Variants in TCF7L2 observed in about 807,000 individuals in gnomAD.
The protein encoded by TCF7L2 is transcription factor 7-like 2.
A neutral mutation model predicts 77.9 loss-of-function variants in TCF7L2; 23 were observed. The observed-to-expected ratio is 0.30, with a 90% CI of 0.21 to 0.42. The LOEUF (loss-of-function observed/expected upper bound fraction) is 0.42, where lower values mean the gene tolerates loss of function less well. Ranked by LOEUF, TCF7L2 falls within the 10% of genes least tolerant of loss-of-function variation. The pLI is 1.00. For synonymous variants in TCF7L2, 413 were observed against 340.2 expected, an observed-to-expected ratio of 1.21 and a Z score of -2.36; for missense variants, 654 against 793.1, an observed-to-expected ratio of 0.82 and a Z score of 2.11.
At chr10:113,140,437 C>T (rs1408627633) in intron 5 of TCF7L2, among the ~76,000 whole-genome samples, 1 of 152,148 alleles carries the variant, frequency 6.6e-6, no homozygotes, top group Non-Finnish European at 1.5e-5. Context: ...TTCTAAAATG[C>T]ATACCTTTTA....
intron 3 of TCF7L2, among the ~76,000 whole-genome samples, chr10:112,961,945 C>G (rs1554870083): frequency 6.6e-6 from 1 of 151,772 alleles, no homozygotes; most frequent in Non-Finnish European, 1.5e-5. Context: ...TTAACTTTGT[C>G]CTATATGTTG....
At chr10:113,015,819 G>A (rs1410783837) in intron 4 of TCF7L2, among the ~76,000 whole-genome samples, 3 of 152,118 alleles carry the variant, frequency 2.0e-5, no homozygotes, top group African/African-American at 7.2e-5. Flanking sequence ...AAGAAACATG[G>A]AAGAAAGTGA....
chr10:113,089,284 G>A, intron 5 of TCF7L2: 1 of 1,170,380 alleles, frequency 8.5e-7, no homozygotes. Context: ...CTATCATGGA[G>A]CTTCTATAGA....
chr10:112,978,623 C>T (rs950432165), intron 4 of TCF7L2, among the ~76,000 whole-genome samples: 4 of 148,986 alleles, frequency 2.7e-5, no homozygotes, highest in African/African-American at 9.9e-5. Context: ...CCTGCCACCA[C>T]GCCTGGCTAA....
At chr10:113,116,365 T>A (rs1048732863) in intron 5 of TCF7L2, among the ~76,000 whole-genome samples, 9 of 152,224 alleles carry the variant, frequency 5.9e-5, no homozygotes, top group Non-Finnish European at 1.0e-4. Context: ...TTAGTTATAT[T>A]TTATCACTTA....
chr10:112,993,758 T>A (rs941000783), intron 4 of TCF7L2, among the ~76,000 whole-genome samples: 2 of 151,926 alleles, frequency 1.3e-5, no homozygotes, highest in Admixed American at 6.6e-5. Flanking sequence ...CTATTCTTTC[T>A]TTTTTTTGAA....
chr10:113,125,652 A>C (rs1372935606), intron 5 of TCF7L2: 3 of 152,206 alleles, frequency 2.0e-5, no homozygotes, highest in African/African-American at 7.2e-5. Context: ...TGACAATGCT[A>C]ATTTTGATGC....
Position 112,951,621 on chromosome 10 carries a change from C to G in TCF7L2, c.381+14C>G. 3 of 1,203,132 alleles carry G rather than the reference C, an allele frequency of 2.5e-6. No individual in the cohort carries two copies. The highest frequency in any genetic ancestry group is 3.2e-6 in the Non-Finnish European group (3 of 945,414). The allele number at this position is 1,203,132 out of a possible 1,614,324, so 74.5% of individuals were successfully genotyped here. A position where few individuals can be genotyped will look rare whatever the true frequency, so the allele number is the denominator to read the frequency against. The stretch of plus-strand genomic sequence containing the variant: ...ACCGCCCGAACCGTAAGTGCCTCCG[C>G]GCCCGGCCCCCGCCCGCTGCCCGCC... On this transcript the variant is annotated intron_variant, in intron 3 of 13. Coordinates refer to ENST00000627217, the MANE Select transcript of TCF7L2 (RefSeq NM_001146274.2).
chr10:113,070,645 C>T (rs1455738481), intron 5 of TCF7L2, among the ~76,000 whole-genome samples: 1 of 152,176 alleles, frequency 6.6e-6, no homozygotes, highest in Non-Finnish European at 1.5e-5. Context: ...AAGTCTCAAG[C>T]ACATTAATAG....
chr10:112,978,429 A>G (rs944539711), intron 4 of TCF7L2, among the ~76,000 whole-genome samples: 1 of 151,160 alleles, frequency 6.6e-6, no homozygotes, highest in African/African-American at 2.4e-5. Flanking sequence ...CTAATTTCTC[A>G]TAGTAGTCTT....
intron 4 of TCF7L2, among the ~76,000 whole-genome samples, chr10:112,996,752 A>G (rs558288846): frequency 3.3e-5 from 5 of 152,216 alleles, no homozygotes; most frequent in East Asian, 1.9e-4. Flanking sequence ...GTTTCCTTCA[A>G]CCTCCACTGA....
At chr10:113,062,380 A>G (rs2056601302) in intron 5 of TCF7L2, among the ~76,000 whole-genome samples, 1 of 152,138 alleles carries the variant, frequency 6.6e-6, no homozygotes, top group Admixed American at 6.5e-5. Context: ...AAATACATCC[A>G]TGTTCGCTAC....
At chr10:113,089,885 C>A (rs2060195176) in intron 5 of TCF7L2, among the ~76,000 whole-genome samples, 1 of 152,196 alleles carries the variant, frequency 6.6e-6, no homozygotes, top group South Asian at 2.1e-4. Context: ...CAGGAAGTGT[C>A]TCTTGGGACT....
At chr10:113,107,269 C>T (rs2062452117) in intron 5 of TCF7L2, among the ~76,000 whole-genome samples, 3 of 152,072 alleles carry the variant, frequency 2.0e-5, no homozygotes, top group Admixed American at 2.0e-4. Context: ...GGGTGGGTGG[C>T]TCTCTGAGGA....
At chr10:113,012,934 CGT>C (rs1440280757) in intron 4 of TCF7L2, among the ~76,000 whole-genome samples, 1 of 152,108 alleles carries the variant, frequency 6.6e-6, no homozygotes, top group East Asian at 1.9e-4. Context: ...TTACTCTACG[CGT>C]GTTGCTGAAA....
intron 5 of TCF7L2, among the ~76,000 whole-genome samples, chr10:113,079,272 G>A (rs1029610489): frequency 6.6e-6 from 1 of 152,154 alleles, no homozygotes; most frequent in South Asian, 2.1e-4. Context: ...GCATGATGAT[G>A]CTCTGAAGAC....
At chr10:113,134,906 T>A (rs2067174385) in intron 5 of TCF7L2, among the ~76,000 whole-genome samples, 1 of 152,204 alleles carries the variant, frequency 6.6e-6, no homozygotes, top group East Asian at 1.9e-4. Flanking sequence ...CTAAAGGCAC[T>A]TTCTGGCCCC....
intron 5 of TCF7L2, among the ~76,000 whole-genome samples, chr10:113,047,617 T>C (rs559148184): frequency 3.8e-4 from 58 of 152,382 alleles, no homozygotes; most frequent in Middle Eastern, 6.8e-3. Flanking sequence ...TTTACTCTTA[T>C]AACCTCACAT....
intron 5 of TCF7L2, among the ~76,000 whole-genome samples, chr10:113,118,135 A>G (rs991729732): frequency 1.3e-5 from 2 of 151,898 alleles, no homozygotes; most frequent in African/African-American, 4.8e-5. Flanking sequence ...GTGGTGTTTT[A>G]ATTTTCTGGC....
Sources: gnomAD v4.1 joint callset for allele counts (sites outside exome capture counted in the v4.1 genomes callset) on GRCh38, gnomAD v4.1.1 for gene constraint, MANE v1.5 for transcripts, NCBI Gene and HGNC (gene_info 2026-07-23, HGNC 2026-07-21) for gene names.